Variants in COL12A1 observed in about 807,000 individuals in gnomAD.
The protein encoded by COL12A1 is collagen type XII alpha 1 chain.
In COL12A1, 114 loss-of-function variants were observed where a neutral mutation model predicts 349.7. That is an observed-to-expected ratio of 0.33 (90% CI 0.28 to 0.38). The LOEUF is 0.38. Among genes scored for constraint, COL12A1 ranks in the 10% least tolerant of loss-of-function variants. COL12A1 has a pLI of 1.00. For synonymous variants in COL12A1, 1,369 were observed against 1,329.0 expected (o/e 1.03, Z -0.66); for missense variants, 3,284 against 3,756.9 (o/e 0.87, Z 3.29).
At chr6:75,191,336 TA>T (rs1368829825) in intron 5 of COL12A1, among the ~76,000 whole-genome samples, 1 of 152,006 alleles carries the variant, frequency 6.6e-6, no homozygotes, top group Non-Finnish European at 1.5e-5. Flanking sequence ...GTATTTCTCA[TA>T]TATTCCTAAG....
In COL12A1 at chr6:75,087,876, T is replaced by A. The variant is rs146873644; in HGVS notation, c.9011-129A>T. On this transcript the variant is annotated intron_variant, in intron 64 of 65. Transcript: ENST00000322507. ...AATTTACTATTGTATGGTAAGAAAA[T>A]GTTTCCTTAAGAAATACCCAATATG... is the stretch of plus-strand genomic sequence containing the variant. The A allele has an allele frequency of 7.9e-4, 800 of 1,010,950 alleles. 1 individual carries two copies. In the African/African-American group the frequency reaches 9.9e-3, roughly 13 times the overall value. The allele number at this position is 1,010,950 out of a possible 1,614,324, so 62.6% of individuals were successfully genotyped here.
intron 3 of COL12A1, among the ~76,000 whole-genome samples, chr6:75,192,631 C>T (rs551229478): frequency 6.6e-6 from 1 of 152,080 alleles, no homozygotes; most frequent in African/African-American, 2.4e-5. Context: ...ACCAGAATAT[C>T]GAACTAAAAA....
intron 13 of COL12A1, among the ~76,000 whole-genome samples, chr6:75,173,446 G>A (rs773471880): frequency 4.6e-5 from 7 of 151,496 alleles, no homozygotes; most frequent in Non-Finnish European, 8.8e-5. Flanking sequence ...GTGCAATCTC[G>A]GCTCACTGCA....
intron 46 of COL12A1, 129 bp downstream of exon 46, chr6:75,118,914 G>A (rs762762732): frequency 2.2e-5 from 27 of 1,202,994 alleles, no homozygotes; most frequent in South Asian, 9.1e-5. Flanking sequence ...CTAGCATTAC[G>A]AAGGTATACC....
Position 75,119,076 on chromosome 6 carries a change from C to G in COL12A1, c.7321G>C (p.Val2441Leu). Residue 2441 changes from valine to leucine, a missense_variant, in exon 46 of 66, where the codon GTC becomes CTC. By Grantham distance (32) the Val-to-Leu change is conservative. This residue lies in a region of COL12A1 where 683 missense variants were observed against 932.1 expected (regional missense o/e 0.73). Transcript: ENST00000322507. ...VVTDGRSQDE[V>L]KKAALVIQQS... ...TGGATGACCAAAGCCGCCTTCTTGA[C>G]CTCATCCTGGGACCGACCGTCCGTG... The G allele has an allele frequency of 6.2e-7, 1 of 1,613,974 alleles. No individual in the cohort carries two copies. The highest frequency in any genetic ancestry group is 8.5e-7 in the Non-Finnish European group (1 of 1,179,888).
intron 14 of COL12A1, among the ~76,000 whole-genome samples, chr6:75,157,248 A>G (rs1056700844): frequency 6.6e-6 from 1 of 152,162 alleles, no homozygotes; most frequent in Non-Finnish European, 1.5e-5. Flanking sequence ...TCCTATTTTT[A>G]TATATAATTA....
At position 75,092,227 on chromosome 6, in the gene COL12A1, G is replaced by A. The variant is rs542044417; in HGVS notation, c.8650-702C>T. On this transcript the variant is annotated intron_variant, in intron 60 of 65. Coordinates refer to ENST00000322507, the MANE Select transcript of COL12A1 (RefSeq NM_004370.6). ...AGGGGCTAGGGGAGGGATAACATTA[G>A]GAAATATACCTAATGTAGGTGATGG... Among the ~76,000 whole-genome samples the A allele has an allele frequency of 7.2e-5, 11 of 152,148 alleles. No individual in the cohort carries two copies. In the South Asian group the frequency reaches 2.3e-3, roughly 32 times the overall value.
At chr6:75,135,072 AC>A (rs1330268613) in intron 31 of COL12A1, among the ~76,000 whole-genome samples, 7 of 152,010 alleles carry the variant, frequency 4.6e-5, no homozygotes, top group African/African-American at 1.4e-4. Flanking sequence ...TAAACTGGTG[AC>A]CCCAAAAAGA....
chr6:75,106,934 C>T (rs1176635475), intron 52 of COL12A1, among the ~76,000 whole-genome samples: 2 of 116,490 alleles, frequency 1.7e-5, no homozygotes, highest in Admixed American at 1.2e-4. Flanking sequence ...CAGAGTCCCA[C>T]TCTGTTGCCC....
At chr6:75,150,486 T>C (rs1216954186) in intron 21 of COL12A1, among the ~76,000 whole-genome samples, 1 of 152,184 alleles carries the variant, frequency 6.6e-6, no homozygotes, top group African/African-American at 2.4e-5. Flanking sequence ...TTTCTAAATG[T>C]CTAAACTGTA....
At chr6:75,205,384 C>T (rs1246632018) in intron 1 of COL12A1, among the ~76,000 whole-genome samples, 2 of 151,666 alleles carry the variant, frequency 1.3e-5, no homozygotes, top group Non-Finnish European at 2.9e-5. Flanking sequence ...TCCCAGCGCC[C>T]CCGCCGCACG....
rs747410893 is a variant in COL12A1, at chr6:75,117,468, C to T, written c.7433G>A (p.Arg2478Gln). 6.8e-6 allele frequency: 11 copies of T among 1,613,586 alleles called. No individual in the cohort carries two copies. Among genetic ancestry groups the T allele is most frequent in the African/African-American group, 1.3e-5 (1 of 74,888 alleles). The change falls in exon 47 of 66, where the codon CGG (arginine) becomes CAG (glutamine). Residue 2478 changes from arginine (R) to glutamine (Q), a missense_variant. Arg to Gln is a conservative substitution (Grantham distance 43). Coordinates refer to ENST00000322507, the MANE Select transcript of COL12A1 (RefSeq NM_004370.6). The part of the protein sequence containing the change: ...LANIASKPSE[R>Q]HVFIVDDFES... ...AAAGTCGTCCACAATGAACACGTGC[C>T]GTTCACTTGGTTTGCTGGCAATGTT...
intron 21 of COL12A1, 41 bp downstream of exon 21, chr6:75,151,100 A>T: frequency 3.7e-6 from 5 of 1,337,562 alleles, no homozygotes; most frequent in Non-Finnish European, 5.0e-6. Flanking sequence ...GGCCCAAAAT[A>T]CCAGCAGTGC....
chr6:75,124,313 G>C lies in COL12A1; in HGVS notation c.6666C>G (p.Val2222=). The C allele has an allele frequency of 1.2e-6, 2 of 1,613,582 alleles. No individual in the cohort carries two copies. Among genetic ancestry groups the C allele is most frequent in the Non-Finnish European group, 1.7e-6 (2 of 1,179,746 alleles). The change falls in exon 41 of 66, where the codon GTC becomes GTG. Residue 2222 remains valine (V), a synonymous_variant. Coordinates refer to ENST00000322507, the MANE Select transcript of COL12A1 (RefSeq NM_004370.6). ...TYQIGWDTFC[V]KWSPHRAATS... ...TGGCTGCCCGGTGAGGTGACCATTT[G>C]ACACAGAATGTATCCCACCCAATCT...
chr6:75,179,845 C>A (rs954483570), intron 11 of COL12A1, among the ~76,000 whole-genome samples: 3 of 152,208 alleles, frequency 2.0e-5, no homozygotes, highest in African/African-American at 7.2e-5. Flanking sequence ...TCAAACATAA[C>A]AAAGTGTGTC....
Position 75,130,976 on chromosome 6 carries a change from T to G in COL12A1, c.5943A>C (p.Val1981=). Residue 1981 remains valine (V), a synonymous_variant, in exon 36 of 66, where the codon GTA becomes GTC. Coordinates refer to ENST00000322507, the MANE Select transcript of COL12A1 (RefSeq NM_004370.6). ...VDGTRPSESI[V]VPGNTRMVHL... ...GCACCATGCGCGTGTTTCCTGGCAC[T>G]ACTATCTGCAGGAGAGGAAATGCCA... 1 of 1,614,172 alleles carries G rather than the reference T, an allele frequency of 6.2e-7. No homozygotes were observed. The highest frequency in any genetic ancestry group is 8.5e-7 in the Non-Finnish European group (1 of 1,180,000).
At chr6:75,188,676 A>G (rs1004126098) in intron 7 of COL12A1, 141 bp from the exon 8 acceptor site, 8 of 935,878 alleles carry the variant, frequency 8.5e-6, no homozygotes, top group Admixed American at 2.6e-5. Flanking sequence ...GCTTTGTTTC[A>G]TAACAGTTGC....
chr6:75,153,177 A>C (rs1382811776), intron 17 of COL12A1, among the ~76,000 whole-genome samples: 1 of 152,160 alleles, frequency 6.6e-6, no homozygotes, highest in Non-Finnish European at 1.5e-5. Context: ...AATCATGTAA[A>C]TATAGATGGT....
rs1277921609 is a variant in COL12A1 at position 75,126,366 on chromosome 6, C to T, written c.6445G>A (p.Val2149Ile). 1.9e-6 allele frequency: 3 copies of T among 1,610,080 alleles called. No homozygotes were observed. The highest frequency in any genetic ancestry group is 2.5e-6 in the Non-Finnish European group (3 of 1,177,076). Residue 2149 changes from valine to isoleucine, a missense_variant, in exon 39 of 66, where the codon GTA becomes ATA. This residue lies in a region of COL12A1 where 2,601 missense variants were observed against 2,824.8 expected (regional missense o/e 0.92). Transcript: ENST00000322507. Reference sequence around the variant, plus strand: ...ACTTCCTTACCCACTGGCTTATATACTATTTTATATCCAAGAACTGGAGAA... The same window carrying T: ...ACTTCCTTACCCACTGGCTTATATATTATTTTATATCCAAGAACTGGAGAA... The part of the protein sequence containing the change: ...SPSPVLGYKI[V>I]YKPVGSNEPM...
Sources: gnomAD v4.1 joint callset for allele counts (sites outside exome capture counted in the v4.1 genomes callset) on GRCh38, gnomAD v4.1.1 for gene constraint, gnomAD v4.1.1 regional missense constraint, MANE v1.5 for transcripts, NCBI Gene and HGNC (gene_info 2026-07-23, HGNC 2026-07-21) for gene names.